The following ITCH variants were observed in gnomAD, a reference collection of about 807,000 sequenced individuals.
ITCH encodes E3 ubiquitin-protein ligase Itchy homolog.
In ITCH, 28 loss-of-function variants were observed where a neutral mutation model predicts 126.8. The ratio of observed to expected loss-of-function variants is 0.22; its 90% CI spans 0.16 to 0.30. The LOEUF (loss-of-function observed/expected upper bound fraction) is 0.30, where lower values mean the gene tolerates loss of function less well. Ranked by LOEUF, ITCH falls within the 10% of genes least tolerant of loss-of-function variation. The pLI is 1.00. For synonymous variants in ITCH, 342 were observed against 340.0 expected (o/e 1.01, Z -0.06); for missense variants, 631 against 1,032.4 (o/e 0.61, Z 5.33).
intron 11 of ITCH, among the ~76,000 whole-genome samples, chr20:34,446,286 A>G (rs1188317818): frequency 6.6e-6 from 1 of 152,144 alleles, no homozygotes; most frequent in Non-Finnish European, 1.5e-5. Flanking sequence ...CCCCTCCATC[A>G]CCATCTCTTC....
intron 24 of ITCH, among the ~76,000 whole-genome samples, chr20:34,505,747 G>A (rs566928701): frequency 5.2e-4 from 79 of 151,848 alleles, no homozygotes; most frequent in African/African-American, 1.9e-3. Context: ...GTAGAGACGG[G>A]GTTTCACCAT....
intron 20 of ITCH, among the ~76,000 whole-genome samples, chr20:34,482,893 C>G (rs900618473): frequency 3.3e-5 from 5 of 152,194 alleles, no homozygotes; most frequent in African/African-American, 1.2e-4. Context: ...TAGGCATTTC[C>G]ATACGTCTTC....
intron 16 of ITCH, among the ~76,000 whole-genome samples, 176 bp from the exon 17 acceptor site, chr20:34,477,596 T>C (rs1418533334): frequency 6.6e-6 from 1 of 152,162 alleles, no homozygotes; most frequent in Non-Finnish European, 1.5e-5. Flanking sequence ...AATAAAATAT[T>C]ATTAAACGTT....
chr20:34,406,639 A>G (rs540232167), intron 3 of ITCH, among the ~76,000 whole-genome samples: 9 of 149,712 alleles, frequency 6.0e-5, no homozygotes, highest in Admixed American at 1.3e-4. Flanking sequence ...GGTTCACACC[A>G]TTCTCCTGCC....
intron 2 of ITCH, among the ~76,000 whole-genome samples, chr20:34,371,424 C>T (rs1328382167): frequency 6.6e-6 from 1 of 151,258 alleles, no homozygotes; most frequent in East Asian, 2.0e-4. Context: ...CTCGGGAGGC[C>T]AGGCGTGCAC....
At position 34,508,638 on chromosome 20, in the gene ITCH, C is replaced by G. The variant is rs1169331910; in HGVS notation, c.*844C>G. The G allele has an allele frequency of 6.6e-6, 1 of 151,836 alleles. No homozygotes were observed. The highest frequency in any genetic ancestry group is 2.4e-5 in the African/African-American group (1 of 41,290). 9.4% of individuals were successfully genotyped at this position (151,836 alleles called of 1,614,324 possible). ...CCAGCCTGGGCAACATAGGGAGACC[C>G]TGTCTTTTTTTTGGGCAGCGTGGTG... is the stretch of plus-strand genomic sequence containing the variant. On this transcript the variant is annotated 3_prime_UTR_variant, in exon 25 of 25. Coordinates refer to ENST00000374864, the MANE Select transcript of ITCH (RefSeq NM_031483.7).
intron 3 of ITCH, among the ~76,000 whole-genome samples, chr20:34,406,784 T>G (rs1035065031): frequency 6.6e-5 from 10 of 152,200 alleles, no homozygotes; most frequent in Non-Finnish European, 2.9e-5. Flanking sequence ...TCCGCCCGTC[T>G]CAGTCTCCCA....
At position 34,453,971 on chromosome 20, in the gene ITCH, C is replaced by T. The variant is rs367888466; in HGVS notation, c.1211-3419C>T. 3.3e-5 allele frequency among the ~76,000 whole-genome samples: 5 copies of T among 151,392 alleles called. No homozygotes were observed. The East Asian group carries it at 9.9e-4, about 30-fold the overall frequency. ...ATCGCGCCACTGCACTCCAGTCCAG[C>T]CTGGGTGACAGAGCAAGGCTCCGTC... is the stretch of plus-strand genomic sequence containing the variant. On this transcript the variant is annotated intron_variant, in intron 12 of 24. Coordinates refer to ENST00000374864, the MANE Select transcript of ITCH (RefSeq NM_031483.7).
intron 20 of ITCH, among the ~76,000 whole-genome samples, chr20:34,487,977 A>G (rs1442411463): frequency 1.3e-5 from 2 of 152,124 alleles, no homozygotes; most frequent in African/African-American, 2.4e-5. Flanking sequence ...ATATAATTCC[A>G]TTTACCTCAC....
intron 16 of ITCH, chr20:34,476,463 A>C: frequency 8.2e-7 from 1 of 1,216,056 alleles, no homozygotes; most frequent in Non-Finnish European, 1.0e-6. Flanking sequence ...GGGCGCCCCC[A>C]GCGGCAGCCA....
Position 34,386,456 on chromosome 20 carries a change from A to T in ITCH, c.-21-7335A>T, listed in dbSNP as rs527943174. On this transcript the variant is annotated intron_variant, in intron 2 of 24. Transcript: ENST00000374864. ...GGTATGTATTTCTAATTTACCACAC[A>T]TGCTTCTGTATTTTATAGTAAGATT... 2.0e-4 allele frequency among the ~76,000 whole-genome samples: 31 copies of T among 152,296 alleles called. No individual in the cohort carries two copies. In the South Asian group the frequency reaches 6.4e-3, roughly 32 times the overall value.
chr20:34,374,093 C>T (rs1601743079), intron 2 of ITCH, among the ~76,000 whole-genome samples: 1 of 152,026 alleles, frequency 6.6e-6, no homozygotes, highest in East Asian at 1.9e-4. Flanking sequence ...CCATGTTGGC[C>T]AGGATGGACT....
At chr20:34,463,398 C>T (rs1986727370) in intron 14 of ITCH, among the ~76,000 whole-genome samples, 1 of 152,094 alleles carries the variant, frequency 6.6e-6, no homozygotes, top group Non-Finnish European at 1.5e-5. Flanking sequence ...TGTTTGAGTT[C>T]CTACTTCGAT....
At chr20:34,456,821 A>G (rs1007965105) in intron 12 of ITCH, among the ~76,000 whole-genome samples, 12 of 151,566 alleles carry the variant, frequency 7.9e-5, no homozygotes, top group African/African-American at 1.2e-4. Context: ...AGCTCAAGCA[A>G]TCTACTTGCC....
intron 2 of ITCH, among the ~76,000 whole-genome samples, chr20:34,387,314 A>T (rs2038320167): frequency 6.6e-6 from 1 of 152,070 alleles, no homozygotes; most frequent in East Asian, 1.9e-4. Flanking sequence ...AAAAAAAAAA[A>T]AAAAATTTAT....
At chr20:34,385,283 G>A (rs1351443432) in intron 2 of ITCH, among the ~76,000 whole-genome samples, 4 of 136,594 alleles carry the variant, frequency 2.9e-5, no homozygotes, top group Admixed American at 1.6e-4. Flanking sequence ...GGCTGGTCTC[G>A]AACTCCTGAC....
intron 14 of ITCH, among the ~76,000 whole-genome samples, chr20:34,469,537 G>A (rs1043570478): frequency 3.3e-5 from 5 of 152,092 alleles, no homozygotes; most frequent in Non-Finnish European, 5.9e-5. Context: ...TGATCCACCC[G>A]CCTCAGCCTC....
At chr20:34,383,576 G>A (rs2038150742) in intron 2 of ITCH, among the ~76,000 whole-genome samples, 1 of 151,910 alleles carries the variant, frequency 6.6e-6, no homozygotes, top group Non-Finnish European at 1.5e-5. Context: ...ATGTTAGTCA[G>A]GCTGGTCTCG....
chr20:34,477,163 A>G (rs893380121), intron 16 of ITCH, among the ~76,000 whole-genome samples: 3 of 151,928 alleles, frequency 2.0e-5, no homozygotes, highest in African/African-American at 7.3e-5. Flanking sequence ...ACCCCACCCA[A>G]CCTCTGACCA....
Sources: gnomAD v4.1 joint callset for allele counts (sites outside exome capture counted in the v4.1 genomes callset) on GRCh38, gnomAD v4.1.1 for gene constraint, MANE v1.5 for transcripts, NCBI Gene and HGNC (gene_info 2026-07-23, HGNC 2026-07-21) for gene names.